The following ZNF746 variants were observed in gnomAD, a reference collection of about 807,000 sequenced individuals.
ZNF746 encodes the protein zinc finger protein 746, also known as parkin-interacting substrate.
Under a neutral mutation model 41.0 loss-of-function variants are expected in ZNF746, and 13 were observed. The observed-to-expected ratio is 0.32, with a 90% CI of 0.21 to 0.50. The LOEUF (loss-of-function observed/expected upper bound fraction) is 0.50, where lower values mean the gene tolerates loss of function less well. Ranked by LOEUF, ZNF746 falls within the 20% of genes least tolerant of loss-of-function variation. The pLI, the probability that ZNF746 is intolerant of heterozygous loss-of-function variation, is 0.98. For missense variants in ZNF746, 811 were observed against 922.9 expected, an observed-to-expected ratio of 0.88 and a Z score of 1.57; for synonymous variants, 424 against 396.2, an observed-to-expected ratio of 1.07 and a Z score of -0.83.
chr7:149,490,857 A>C (rs1800779745), intron 4 of ZNF746: 1 of 152,424 alleles, frequency 6.6e-6, no homozygotes, highest in Non-Finnish European at 1.5e-5. Context: ...CAAGGTCTCT[A>C]GAGAGGGATT....
At chr7:149,496,357 T>C (rs922439769) in intron 1 of ZNF746, among the ~76,000 whole-genome samples, 8 of 152,280 alleles carry the variant, frequency 5.3e-5, no homozygotes, top group Non-Finnish European at 7.4e-5. Context: ...GTGGCTGGAA[T>C]ATGTGGGGCT....
intron 4 of ZNF746, chr7:149,489,616 G>A (rs1203190286): frequency 1.3e-5 from 2 of 152,492 alleles, no homozygotes; most frequent in East Asian, 3.8e-4. Flanking sequence ...GCACAGGGCG[G>A]AGGGAACAGC....
intron 6 of ZNF746, among the ~76,000 whole-genome samples, chr7:149,475,793 G>C (rs115778025): frequency 1.3e-5 from 2 of 152,216 alleles, no homozygotes. Context: ...AACTGCTGCA[G>C]GCACTGTGCC....
intron 5 of ZNF746, 54 bp downstream of exon 5, chr7:149,477,510 T>A: frequency 6.5e-7 from 1 of 1,540,300 alleles, no homozygotes; most frequent in Non-Finnish European, 8.8e-7. Flanking sequence ...CCCTCCCCTG[T>A]CCCTCCTGTG....
chr7:149,495,322 G>A (rs113419648), intron 1 of ZNF746, among the ~76,000 whole-genome samples: 9 of 152,334 alleles, frequency 5.9e-5, no homozygotes, highest in African/African-American at 1.9e-4. Context: ...TGTACCAGGA[G>A]CAGTGACATA....
intron 4 of ZNF746, among the ~76,000 whole-genome samples, chr7:149,484,924 G>A (rs1563252572): frequency 6.6e-6 from 1 of 151,926 alleles, no homozygotes; most frequent in South Asian, 2.1e-4. Context: ...CTTATCAAGG[G>A]TCTTAACAAA....
At chr7:149,476,289 G>A (rs1056459313) in intron 6 of ZNF746, among the ~76,000 whole-genome samples, 1 of 134,818 alleles carries the variant, frequency 7.4e-6, no homozygotes, top group African/African-American at 2.9e-5. Flanking sequence ...CTCCAAGCCT[G>A]GGGGACAGAG....
intron 1 of ZNF746, among the ~76,000 whole-genome samples, chr7:149,496,510 C>T (rs1585745662): frequency 6.6e-6 from 1 of 152,172 alleles, no homozygotes; most frequent in Admixed American, 6.5e-5. Flanking sequence ...TCTGCAGACT[C>T]CTTTCCCACT....
At position 149,497,506 on chromosome 7, in the gene ZNF746, C is replaced by A. The variant is rs990125243; in HGVS notation, c.24+7G>T. 1.8e-6 allele frequency: 2 copies of A among 1,104,422 alleles called. No individual in the cohort carries two copies. The highest frequency in any genetic ancestry group is 2.2e-6 in the Non-Finnish European group (2 of 909,360). The allele number at this position is 1,104,422 out of a possible 1,614,324, so 68.4% of individuals were successfully genotyped here. ...CGCGAGTCCCTGCGCGCGCGGGTCGCCCTTACCGGAGCCGCGACCGCCTCG... is the reference window on the plus strand; with the variant it reads ...CGCGAGTCCCTGCGCGCGCGGGTCGACCTTACCGGAGCCGCGACCGCCTCG... On this transcript the variant is annotated splice_region_variant and intron_variant, in intron 1 of 6. Transcript: ENST00000458143. The surrounding 1 kb of genome is among the most constrained non-coding windows in gnomAD (Gnocchi z 4.2).
At chr7:149,483,773 G>C (rs1315523926) in intron 4 of ZNF746, among the ~76,000 whole-genome samples, 1 of 152,124 alleles carries the variant, frequency 6.6e-6, no homozygotes, top group Non-Finnish European at 1.5e-5. Flanking sequence ...ATAGAATATA[G>C]TTAGTCAAAG....
chr7:149,481,596 A>G (rs1486086145), intron 4 of ZNF746, among the ~76,000 whole-genome samples: 8 of 152,250 alleles, frequency 5.3e-5, no homozygotes, highest in African/African-American at 1.7e-4. Context: ...TCACACATAT[A>G]AACACATATA....
intron 6 of ZNF746, among the ~76,000 whole-genome samples, chr7:149,476,183 G>A (rs977793697): frequency 5.3e-5 from 8 of 151,744 alleles, no homozygotes; most frequent in Admixed American, 4.6e-4. Context: ...GCGTGGTGGC[G>A]GGCACCTGTA....
intron 6 of ZNF746, 125 bp from the exon 7 acceptor site, chr7:149,475,608 G>A: frequency 1.4e-6 from 2 of 1,466,814 alleles, no homozygotes; most frequent in South Asian, 2.7e-5. Flanking sequence ...TCGTGGCTGA[G>A]CCCAGAGGGC....
Position 149,474,705 on chromosome 7 carries a change from G to A in ZNF746, c.1662C>T (p.Phe554=). The part of the protein sequence containing the change: ...HRMLHTGERP[F]PCTECEKRFT... ...AGCGCTTCTCACACTCGGTGCAGGG[G>A]AAGGGCCGCTCGCCGGTGTGCAGCA... Residue 554 remains phenylalanine (F), a synonymous_variant, in exon 7 of 7, where the codon TTC becomes TTT. Transcript: ENST00000458143. This position sits in a 1 kb window ranked among gnomAD's most constrained non-coding sequence, Gnocchi z 6.3. 6.2e-7 allele frequency: 1 copy of A among 1,612,704 alleles called. No individual in the cohort carries two copies. Among genetic ancestry groups the A allele is most frequent in the Non-Finnish European group, 8.5e-7 (1 of 1,179,720 alleles).
chr7:149,481,468 A>T (rs951097478), intron 4 of ZNF746, among the ~76,000 whole-genome samples: 2 of 152,252 alleles, frequency 1.3e-5, no homozygotes, highest in South Asian at 2.1e-4. Context: ...AAAAGTCTGT[A>T]TATGTTTAGT....
At chr7:149,483,600 C>T (rs1037235021) in intron 4 of ZNF746, among the ~76,000 whole-genome samples, 6 of 149,814 alleles carry the variant, frequency 4.0e-5, no homozygotes, top group Non-Finnish European at 7.4e-5. Flanking sequence ...AGCGAGACTC[C>T]GTGTAAAAAA....
intron 4 of ZNF746, chr7:149,491,918 G>A (rs941575911): frequency 1.4e-6 from 1 of 701,914 alleles, no homozygotes; most frequent in African/African-American, 1.7e-5. Context: ...TTTCAAAGGT[G>A]CTGACTGGCT....
At position 149,474,939 on chromosome 7, in the gene ZNF746, C is replaced by G. The variant is rs1162813751; in HGVS notation, c.1428G>C (p.Lys476Asn). The G allele has an allele frequency of 2.6e-6, 4 of 1,544,474 alleles. No homozygotes were observed. Among genetic ancestry groups the G allele is most frequent in the Non-Finnish European group, 2.6e-6 (3 of 1,146,526 alleles). ...GRPFTCATCG[K>N]SFQLQVSLSA... ...TCAGGCTGACTTGCAGCTGGAAGCT[C>G]TTCCCACACGTGGCGCAGGTGAAGG... The change falls in exon 7 of 7, where the codon AAG becomes AAC. Residue 476 changes from lysine (K) to asparagine (N), a missense_variant. By Grantham distance (94) the Lys-to-Asn change is moderately conservative. Around this residue, in one of 4 missense-constraint regions of ZNF746, gnomAD observed 495 missense variants for 481.6 expected, o/e 1.03. Coordinates refer to ENST00000458143, the MANE Select transcript of ZNF746 (RefSeq NM_001394198.1). The surrounding 1 kb of genome is among the most constrained non-coding windows in gnomAD (Gnocchi z 6.3).
In ZNF746 at chr7:149,497,136, T is replaced by A. The variant is rs1356494503; in HGVS notation, c.24+377A>T. 1.0e-6 allele frequency: 1 copy of A among 984,762 alleles called. No individual in the cohort carries two copies. Among genetic ancestry groups the A allele is most frequent in the African/African-American group, 1.8e-5 (1 of 57,068 alleles). 61.0% of individuals were successfully genotyped at this position (984,762 alleles called of 1,614,324 possible). On this transcript the variant is annotated intron_variant, in intron 1 of 6. Coordinates refer to ENST00000458143, the MANE Select transcript of ZNF746 (RefSeq NM_001394198.1). The surrounding 1 kb of genome is among the most constrained non-coding windows in gnomAD (Gnocchi z 4.2). ...CACCTCCCAGGTGCCACCAGGCCGC[T>A]GCGGGGGAGATGGAGAGGGACCTAC...
Sources: gnomAD v4.1 joint callset for allele counts (sites outside exome capture counted in the v4.1 genomes callset) on GRCh38, gnomAD v4.1.1 for gene constraint, gnomAD v4.1.1 regional missense constraint, Gnocchi (gnomAD v3.1) non-coding constraint, MANE v1.5 for transcripts, NCBI Gene and HGNC (gene_info 2026-07-23, HGNC 2026-07-21) for gene names.